Variants in MALRD1 observed in about 807,000 individuals in gnomAD.
MALRD1 encodes the protein MAM and LDL-receptor class A domain-containing protein 1.
In MALRD1, 247 loss-of-function variants were observed where a neutral mutation model predicts 242.1. The observed-to-expected ratio is 1.02, with a 90% CI of 0.92 to 1.13. The LOEUF (loss-of-function observed/expected upper bound fraction) is 1.13, where lower values mean the gene tolerates loss of function less well. Ranked by LOEUF, MALRD1 falls within the 50% of genes most tolerant of loss-of-function variation. MALRD1 has a pLI of 0.00. For synonymous variants in MALRD1, 995 were observed against 866.6 expected, an observed-to-expected ratio of 1.15 and a Z score of -2.60; for missense variants, 2,989 against 2,533.1, an observed-to-expected ratio of 1.18 and a Z score of -3.86.
intron 8 of MALRD1, among the ~76,000 whole-genome samples, chr10:19,133,643 C>CA (rs1330317001): frequency 5.9e-5 from 9 of 152,056 alleles, no homozygotes; most frequent in Non-Finnish European, 4.4e-5. Flanking sequence ...TGTTTATCTG[C>CA]AAAAAGCAGC....
intron 18 of MALRD1, among the ~76,000 whole-genome samples, chr10:19,227,817 G>T (rs1283767251): frequency 6.6e-6 from 1 of 152,062 alleles, no homozygotes; most frequent in South Asian, 2.1e-4. Flanking sequence ...TATTTGTACA[G>T]ATGTTTTAAT....
intron 17 of MALRD1, among the ~76,000 whole-genome samples, chr10:19,207,246 TC>T (rs1377027524): frequency 1.3e-5 from 2 of 152,196 alleles, no homozygotes; most frequent in Non-Finnish European, 2.9e-5. Flanking sequence ...CTAAAATCTG[TC>T]CCCTTCCTCC....
At chr10:19,589,150 A>G (rs1012041281) in intron 33 of MALRD1, among the ~76,000 whole-genome samples, 1 of 152,226 alleles carries the variant, frequency 6.6e-6, no homozygotes, top group Non-Finnish European at 1.5e-5. Flanking sequence ...ACAGACTGAA[A>G]CATAGGTTCT....
intron 22 of MALRD1, among the ~76,000 whole-genome samples, chr10:19,325,740 G>A (rs1210267886): frequency 6.6e-6 from 1 of 152,016 alleles, no homozygotes; most frequent in Admixed American, 6.6e-5. Context: ...CTATTGATAA[G>A]GACTCTCCCC....
In MALRD1 at chr10:19,281,911, C is replaced by T. The variant is rs116641695; in HGVS notation, c.3257-1108C>T. 2.1e-3 allele frequency among the ~76,000 whole-genome samples: 300 copies of T among 144,816 alleles called. 3 individuals carry two copies. Among genetic ancestry groups the T allele is most frequent in the African/African-American group, 7.1e-3 (277 of 38,812 alleles). On this transcript the variant is annotated intron_variant, in intron 20 of 39. Transcript: ENST00000454679. Reference sequence around the variant, plus strand: ...ATTGCTTGAGCCTGGGAGGGGGAGCCGAGATCGTGCCAATGCACTCTGGCC... The same window carrying T: ...ATTGCTTGAGCCTGGGAGGGGGAGCTGAGATCGTGCCAATGCACTCTGGCC...
intron 18 of MALRD1, among the ~76,000 whole-genome samples, chr10:19,235,576 C>CGAG (rs1564488759): frequency 1.7e-5 from 1 of 57,300 alleles, no homozygotes; most frequent in Non-Finnish European, 3.2e-5. Context: ...CACCCACACC[C>CGAG]ACAGAGAGAG....
At chr10:19,247,145 C>T (rs2131770147) in intron 18 of MALRD1, among the ~76,000 whole-genome samples, 1 of 152,112 alleles carries the variant, frequency 6.6e-6, no homozygotes, top group African/African-American at 2.4e-5. Flanking sequence ...AACTGAAGAT[C>T]CAGAAAGTTC....
intron 32 of MALRD1, among the ~76,000 whole-genome samples, chr10:19,556,714 A>G (rs545567327): frequency 6.6e-6 from 1 of 152,284 alleles, no homozygotes; most frequent in Admixed American, 6.5e-5. Flanking sequence ...TAAAGTTGCT[A>G]TAAACAATCA....
intron 11 of MALRD1, among the ~76,000 whole-genome samples, chr10:19,154,464 G>T (rs1280520735): frequency 6.6e-6 from 1 of 152,146 alleles, no homozygotes; most frequent in Non-Finnish European, 1.5e-5. Flanking sequence ...AATATTCAGT[G>T]AAACTACCCC....
At chr10:19,235,111 G>A (rs555265096) in intron 18 of MALRD1, among the ~76,000 whole-genome samples, 1 of 152,244 alleles carries the variant, frequency 6.6e-6, no homozygotes, top group African/African-American at 2.4e-5. Context: ...TTAGTGCATT[G>A]ACCTGCAGGC....
chr10:19,617,680 C>G (rs1340240743), intron 36 of MALRD1, among the ~76,000 whole-genome samples: 2 of 151,788 alleles, frequency 1.3e-5, no homozygotes, highest in African/African-American at 4.8e-5. Context: ...AGGTTTGTAT[C>G]CCTTTAGATA....
chr10:19,105,041 C>T lies in MALRD1; in HGVS notation c.694+966C>T, dbSNP rs558569994. The stretch of plus-strand genomic sequence containing the variant: ...CTTTGTAGTAAGAACATTTGAAATT[C>T]TCTCTATTAGTTATTTTGAAATAAT... On this transcript the variant is annotated intron_variant, in intron 5 of 39. Transcript: ENST00000454679. Among the ~76,000 whole-genome samples, 5 of 151,738 alleles carry T rather than the reference C, an allele frequency of 3.3e-5. No individual in the cohort carries two copies. In the East Asian group the frequency reaches 9.7e-4, roughly 29 times the overall value.
chr10:19,450,539 C>A (rs1469273318), intron 29 of MALRD1, 49 bp downstream of exon 29: 4 of 1,447,802 alleles, frequency 2.8e-6, no homozygotes, highest in Non-Finnish European at 2.8e-6. Flanking sequence ...TTTAATCTAG[C>A]CATTTTATTT....
In MALRD1 at chr10:19,454,431, T is replaced by TATATATATATATATATAA. The variant is rs1011890675; in HGVS notation, c.5029+3942_5029+3943insTATATATATATATATAAA. On this transcript the variant is annotated intron_variant, in intron 29 of 39. Transcript: ENST00000454679. ...ATATATATATATATATATATATATA[T>TATATATATATATATATAA]AATTATATGATACATACATATAAAT... 2.0e-3 allele frequency among the ~76,000 whole-genome samples: 271 copies of TATATATATATATATATAA among 136,620 alleles called. 5 individuals carry two copies. Among genetic ancestry groups the TATATATATATATATATAA allele is most frequent in the Non-Finnish European group, 2.8e-3 (175 of 63,516 alleles). The allele number at this position is 136,620 out of a possible 152,430, so 89.6% of individuals were successfully genotyped here.
intron 21 of MALRD1, among the ~76,000 whole-genome samples, chr10:19,311,939 C>T (rs1842444182): frequency 6.6e-6 from 1 of 151,436 alleles, no homozygotes; most frequent in Non-Finnish European, 1.5e-5. Context: ...TATTTGTTTA[C>T]CTTCTGAAAT....
chr10:19,531,193 G>A lies in MALRD1; in HGVS notation c.5321-1G>A, dbSNP rs1589206490. 8 of 1,543,468 alleles carry A rather than the reference G, an allele frequency of 5.2e-6. No individual in the cohort carries two copies. The East Asian group carries it at 2.0e-4, about 38-fold the overall frequency. ...AAAAAATTTTGTTAATCTATTTCAA[G>A]GTAGTGGTCAGCACTTCCTGTACGT... On this transcript the variant is annotated splice_acceptor_variant, in intron 31 of 39. Transcript: ENST00000454679. LOFTEE classifies it high-confidence loss of function.
chr10:19,458,896 A>G (rs963338956), intron 29 of MALRD1, among the ~76,000 whole-genome samples: 8 of 151,458 alleles, frequency 5.3e-5, no homozygotes, highest in South Asian at 2.1e-4. Context: ...GTTGAGTTAT[A>G]TATATATATA....
At chr10:19,171,580 ATGTC>A (rs1366324796) in intron 13 of MALRD1, among the ~76,000 whole-genome samples, 1 of 137,106 alleles carries the variant, frequency 7.3e-6, no homozygotes, top group Non-Finnish European at 1.6e-5. Context: ...ACACATATAT[ATGTC>A]TATGTGTGTA....
intron 34 of MALRD1, among the ~76,000 whole-genome samples, chr10:19,596,002 T>A (rs1048939273): frequency 2.0e-5 from 3 of 152,232 alleles, no homozygotes; most frequent in African/African-American, 7.2e-5. Flanking sequence ...TTACTTACTA[T>A]GTGTGCAGTC....
Sources: gnomAD v4.1 joint callset for allele counts (sites outside exome capture counted in the v4.1 genomes callset) on GRCh38, gnomAD v4.1.1 for gene constraint, MANE v1.5 for transcripts, NCBI Gene and HGNC (gene_info 2026-07-23, HGNC 2026-07-21) for gene names.